CADM2: variants seen among roughly 807,000 people sequenced by gnomAD.
CADM2 encodes the protein immunoglobulin superfamily member 4D.
A neutral mutation model predicts 49.8 loss-of-function variants in CADM2; 12 were observed. That is an observed-to-expected ratio of 0.24 (90% CI 0.15 to 0.39). The LOEUF is 0.39. Among genes scored for constraint, CADM2 ranks in the 10% least tolerant of loss-of-function variants. The pLI is 1.00. For synonymous variants in CADM2, 214 were observed against 175.4 expected, an observed-to-expected ratio of 1.22 and a Z score of -1.74; for missense variants, 378 against 492.3, an observed-to-expected ratio of 0.77 and a Z score of 2.20.
At chr3:85,249,871 AG>A (rs912665127) in intron 1 of CADM2, among the ~76,000 whole-genome samples, 5 of 151,906 alleles carry the variant, frequency 3.3e-5, no homozygotes, top group Non-Finnish European at 7.4e-5. Context: ...ATTCTCAGTC[AG>A]GTTACTTACC....
intron 1 of CADM2, among the ~76,000 whole-genome samples, chr3:85,395,719 A>G (rs2107415516): frequency 6.6e-6 from 1 of 152,174 alleles, no homozygotes; most frequent in African/African-American, 2.4e-5. Flanking sequence ...CTCAAAAGAA[A>G]ATAAGAAATC....
intron 2 of CADM2, among the ~76,000 whole-genome samples, chr3:85,799,811 G>A (rs986588056): frequency 1.3e-5 from 2 of 152,190 alleles, no homozygotes; most frequent in Admixed American, 6.5e-5. Context: ...CCTGTATGAG[G>A]TGTCTGTCAA....
At chr3:85,286,112 G>A (rs1020530852) in intron 1 of CADM2, among the ~76,000 whole-genome samples, 7 of 152,092 alleles carry the variant, frequency 4.6e-5, no homozygotes, top group African/African-American at 1.4e-4. Context: ...GTATAATCTG[G>A]ATGAGTGAAT....
At chr3:85,544,704 T>C (rs1181785533) in intron 1 of CADM2, among the ~76,000 whole-genome samples, 1 of 152,118 alleles carries the variant, frequency 6.6e-6, no homozygotes, top group African/African-American at 2.4e-5. Flanking sequence ...TTTGACATGA[T>C]AACTTTATTA....
intron 1 of CADM2, among the ~76,000 whole-genome samples, chr3:85,683,418 T>C (rs1268701109): frequency 6.6e-6 from 1 of 152,204 alleles, no homozygotes; most frequent in Non-Finnish European, 1.5e-5. Context: ...TAGAGCTGTG[T>C]GAATCTTTTT....
At position 84,995,422 on chromosome 3, in the gene CADM2, G is replaced by T. The variant is rs139226178; in HGVS notation, c.61+35754G>T. Among the ~76,000 whole-genome samples, 367 of 152,296 alleles carry T rather than the reference G, an allele frequency of 2.4e-3. 1 individual carries two copies. The highest frequency in any genetic ancestry group is 7.9e-3 in the African/African-American group (329 of 41,558). On this transcript the variant is annotated intron_variant, in intron 1 of 9. Transcript: ENST00000383699. ...CAATTTTAAAATGTGTGCATTAAGAGAGAATTTTCCCTAATGAAGATTTGC... is the reference window on the plus strand; with the variant it reads ...CAATTTTAAAATGTGTGCATTAAGATAGAATTTTCCCTAATGAAGATTTGC...
At chr3:85,111,482 G>A (rs1310946695) in intron 1 of CADM2, among the ~76,000 whole-genome samples, 1 of 151,816 alleles carries the variant, frequency 6.6e-6, no homozygotes, top group Non-Finnish European at 1.5e-5. Flanking sequence ...GTTCTTTAGA[G>A]ATCATTATGT....
chr3:85,582,823 G>A (rs2062834584), intron 1 of CADM2, among the ~76,000 whole-genome samples: 1 of 152,252 alleles, frequency 6.6e-6, no homozygotes, highest in Admixed American at 6.5e-5. Flanking sequence ...CAAATGCTAG[G>A]AATCTAATAG....
intron 1 of CADM2, among the ~76,000 whole-genome samples, chr3:85,436,807 G>A (rs2036953110): frequency 6.6e-6 from 1 of 152,068 alleles, no homozygotes; most frequent in South Asian, 2.1e-4. Flanking sequence ...AACATCCTTT[G>A]CCAAAGCGGT....
intron 8 of CADM2, among the ~76,000 whole-genome samples, chr3:86,018,242 G>A (rs1362112810): frequency 1.6e-5 from 2 of 125,352 alleles, no homozygotes; most frequent in Non-Finnish European, 3.3e-5. Context: ...ATTCCATGGT[G>A]TATATGTGCC....
In CADM2 at chr3:85,979,940, C is replaced by T. The variant is rs146740439; in HGVS notation, c.970+18293C>T. ...AAGAATTTTATTTCAAAGAAATCAA[C>T]CTTAAAAAGGTGGGAATATCCATAA... On this transcript the variant is annotated intron_variant, in intron 8 of 9. Transcript: ENST00000383699. Among the ~76,000 whole-genome samples, 973 of 151,376 alleles carry T rather than the reference C, an allele frequency of 6.4e-3. 13 individuals carry two copies. Among genetic ancestry groups the T allele is most frequent in the African/African-American group, 0.02 (845 of 41,360 alleles).
rs1179967499 is a variant in CADM2 at position 85,034,790 on chromosome 3, C to CTTTTTTTTTTTTTTTTT, written c.61+75130_61+75146dup. ...TATCTTTTAGATAAAAGACATTTTG[C>CTTTTTTTTTTTTTTTTT]TTTTTTTTTTTTTTTTTTTTTTTTA... is the stretch of plus-strand genomic sequence containing the variant. On this transcript the variant is annotated intron_variant, in intron 1 of 9. Transcript: ENST00000383699. 2.1e-3 allele frequency among the ~76,000 whole-genome samples: 173 copies of CTTTTTTTTTTTTTTTTT among 84,056 alleles called. 16 individuals are homozygous for CTTTTTTTTTTTTTTTTT. The highest frequency in any genetic ancestry group is 8.1e-3 in the Admixed American group (50 of 6,146). The allele number at this position is 84,056 out of a possible 152,430, so 55.1% of individuals were successfully genotyped here.
At chr3:85,043,191 G>A (rs2035509894) in intron 1 of CADM2, among the ~76,000 whole-genome samples, 1 of 151,966 alleles carries the variant, frequency 6.6e-6, no homozygotes, top group Admixed American at 6.6e-5. Context: ...TTATTTTCTC[G>A]TCTCATGCAG....
At chr3:86,044,018 C>T (rs1169152950) in intron 8 of CADM2, among the ~76,000 whole-genome samples, 1 of 152,156 alleles carries the variant, frequency 6.6e-6, no homozygotes, top group Non-Finnish European at 1.5e-5. Context: ...ATGTAGAAAG[C>T]TGAAACTGGA....
At chr3:85,834,705 T>C (rs1407006111) in intron 3 of CADM2, among the ~76,000 whole-genome samples, 1 of 151,218 alleles carries the variant, frequency 6.6e-6, no homozygotes, top group Admixed American at 6.6e-5. Context: ...TGTAGTCTCA[T>C]TTGCTGGGTT....
chr3:85,022,983 C>T (rs1217235610), intron 1 of CADM2, among the ~76,000 whole-genome samples: 2 of 151,944 alleles, frequency 1.3e-5, no homozygotes, highest in African/African-American at 4.8e-5. Context: ...AGTTATGCTT[C>T]TAATTTTCTA....
At chr3:85,683,949 T>TA (rs1484397477) in intron 1 of CADM2, among the ~76,000 whole-genome samples, 2 of 152,202 alleles carry the variant, frequency 1.3e-5, no homozygotes, top group Admixed American at 6.5e-5. Context: ...TGTGTGTGTT[T>TA]ATGTGTCTGT....
intron 3 of CADM2, among the ~76,000 whole-genome samples, chr3:85,822,706 TTATAGTTAAATACATTTTTA>T (rs2073663290): frequency 6.6e-6 from 1 of 152,168 alleles, no homozygotes; most frequent in Non-Finnish European, 1.5e-5. Context: ...TCCTATAAAG[TTATAGTTAAATACATTTTTA>T]TGAAAGAAAT....
chr3:85,539,447 A>G (rs12488750), intron 1 of CADM2, among the ~76,000 whole-genome samples: 12,425 of 152,106 alleles, frequency 0.082, 986 homozygotes, highest in African/African-American at 0.19. Flanking sequence ...AATGCTCATA[A>G]TGCCTAGTGT....
Sources: gnomAD v4.1 joint callset for allele counts (sites outside exome capture counted in the v4.1 genomes callset) on GRCh38, gnomAD v4.1.1 for gene constraint, MANE v1.5 for transcripts, NCBI Gene and HGNC (gene_info 2026-07-23, HGNC 2026-07-21) for gene names.